PTPN18: variants seen among roughly 807,000 people sequenced by gnomAD.
PTPN18 encodes the protein tyrosine-protein phosphatase non-receptor type 18.
A neutral mutation model predicts 65.4 loss-of-function variants in PTPN18; 65 were observed. That is an observed-to-expected ratio of 0.99 (90% CI 0.81 to 1.22). The LOEUF is 1.22. Among genes scored for constraint, PTPN18 ranks in the 50% most tolerant of loss-of-function variants. PTPN18 has a pLI of 0.00. For missense variants in PTPN18, 616 were observed against 646.5 expected, an observed-to-expected ratio of 0.95 and a Z score of 0.51; for synonymous variants, 255 against 267.8, an observed-to-expected ratio of 0.95 and a Z score of 0.47.
rs1043425360 is a variant in PTPN18, at chr2:130,356,136, G to A, written c.29G>A (p.Ser10Asn). The change falls in exon 1 of 15, where the codon AGC becomes AAC. Residue 10 changes from serine (S) to asparagine (N), a missense_variant. Transcript: ENST00000175756. MSRSLDSAR[S>N]FLERLEARGG... ...AGCCGCAGCCTGGACTCGGCGCGGAGCTTCCTGGAGCGGCTGGAAGCGCGG... is the reference window on the plus strand; with the variant it reads ...AGCCGCAGCCTGGACTCGGCGCGGAACTTCCTGGAGCGGCTGGAAGCGCGG... The A allele has an allele frequency of 2.3e-6, 3 of 1,310,658 alleles. No homozygotes were observed. The highest frequency in any genetic ancestry group is 2.2e-5 in the South Asian group (1 of 46,226). 81.2% of individuals were successfully genotyped at this position (1,310,658 alleles called of 1,614,324 possible).
At chr2:130,370,661 C>A in intron 9 of PTPN18, 38 bp downstream of exon 9, 2 of 1,614,138 alleles carry the variant, frequency 1.2e-6, no homozygotes, top group South Asian at 2.2e-5. Context: ...GTGTGCTGCC[C>A]ATGACCACGT....
intron 5 of PTPN18, among the ~76,000 whole-genome samples, chr2:130,363,939 T>G (rs1680306684): frequency 6.6e-6 from 1 of 151,754 alleles, no homozygotes; most frequent in Non-Finnish European, 1.5e-5. Flanking sequence ...TGATGCTTGT[T>G]ACTGTCTTTT....
chr2:130,365,555 T>C (rs897312198), intron 5 of PTPN18, among the ~76,000 whole-genome samples: 3 of 152,244 alleles, frequency 2.0e-5, no homozygotes, highest in African/African-American at 7.2e-5. Flanking sequence ...TTCTTGATGG[T>C]GTGTTTTGAA....
chr2:130,374,748 T>G lies in PTPN18; in HGVS notation c.*1524T>G, dbSNP rs1680690989. 2 of 466,902 alleles carry G rather than the reference T, an allele frequency of 4.3e-6. No individual in the cohort carries two copies. The highest frequency in any genetic ancestry group is 8.8e-6 in the Non-Finnish European group (2 of 226,170). 28.9% of individuals were successfully genotyped at this position (466,902 alleles called of 1,614,324 possible). On this transcript the variant is annotated 3_prime_UTR_variant, in exon 15 of 15. Coordinates refer to ENST00000175756, the MANE Select transcript of PTPN18 (RefSeq NM_014369.4). ...GTGCCCTGGGCCCCATGTCCACCCCTGTCCTGCCCTTCTCTGGGATAGGGC... is the reference window on the plus strand; with the variant it reads ...GTGCCCTGGGCCCCATGTCCACCCCGGTCCTGCCCTTCTCTGGGATAGGGC...
intron 12 of PTPN18, 138 bp from the exon 13 acceptor site, chr2:130,372,119 A>G (rs1449296935): frequency 1.3e-6 from 1 of 784,838 alleles, no homozygotes; most frequent in Non-Finnish European, 2.0e-6. Context: ...GAGGCCTCCA[A>G]CCCAAGGAGC....
intron 5 of PTPN18, among the ~76,000 whole-genome samples, chr2:130,360,219 G>A (rs1448924138): frequency 1.3e-5 from 2 of 152,104 alleles, no homozygotes; most frequent in Non-Finnish European, 2.9e-5. Context: ...TAACACACTG[G>A]ATAATCTACA....
At position 130,356,061 on chromosome 2, in the gene PTPN18, C is replaced by G; in HGVS notation, c.-47C>G. The stretch of plus-strand genomic sequence containing the variant: ...CTCCGCCTCCCGCGGCGTCCACACT[C>G]GCCGCGCGCGCGGCGGCCGGGCTGG... On this transcript the variant is annotated 5_prime_UTR_variant, in exon 1 of 15. Transcript: ENST00000175756. 8.6e-7 allele frequency: 1 copy of G among 1,168,022 alleles called. No individual in the cohort carries two copies. The highest frequency in any genetic ancestry group is 3.7e-5 in the South Asian group (1 of 26,852). 72.4% of individuals were successfully genotyped at this position (1,168,022 alleles called of 1,614,324 possible).
chr2:130,372,514 T>C, intron 13 of PTPN18, 31 bp downstream of exon 13: 1 of 1,391,248 alleles, frequency 7.2e-7, no homozygotes, highest in Non-Finnish European at 9.3e-7. Flanking sequence ...TCTCAGGGCA[T>C]CATCCTGCTG....
At chr2:130,358,263 T>G (rs1339405140) in intron 1 of PTPN18, among the ~76,000 whole-genome samples, 1 of 152,222 alleles carries the variant, frequency 6.6e-6, no homozygotes, top group African/African-American at 2.4e-5. Context: ...TGGGTGTTAC[T>G]TATTATCATT....
rs757437344 is a variant in PTPN18, at chr2:130,374,631, C to G, written c.*1407C>G. 2 of 471,284 alleles carry G rather than the reference C, an allele frequency of 4.2e-6. No homozygotes were observed. Among genetic ancestry groups the G allele is most frequent in the Non-Finnish European group, 8.8e-6 (2 of 227,124 alleles). 29.2% of individuals were successfully genotyped at this position (471,284 alleles called of 1,614,324 possible). On this transcript the variant is annotated 3_prime_UTR_variant, in exon 15 of 15. Transcript: ENST00000175756. Reference sequence around the variant, plus strand: ...GGAAAAAGTATAAGATGCTCTTTCCCTGAACCTCAAGGGTCCCGCCCCTCT... The same window carrying G: ...GGAAAAAGTATAAGATGCTCTTTCCGTGAACCTCAAGGGTCCCGCCCCTCT...
Position 130,372,559 on chromosome 2 carries a change from G to T in PTPN18, c.1240+76G>T. On this transcript the variant is annotated intron_variant, in intron 13 of 14. Transcript: ENST00000175756. ...GGGCGGAACCATCCTGCAGTGGTCC[G>T]TCAGGCCCTGGCGGCCGCGGGGACC... 1.7e-5 allele frequency: 24 copies of T among 1,397,158 alleles called. No homozygotes were observed. The South Asian group carries it at 3.8e-4, about 22-fold the overall frequency. 86.5% of individuals were successfully genotyped at this position (1,397,158 alleles called of 1,614,324 possible).
At chr2:130,361,557 T>TCTTTCTTTCTTTCTTCCTTTCTTTC (rs1553458555) in intron 5 of PTPN18, among the ~76,000 whole-genome samples, 1 of 78,508 alleles carries the variant, frequency 1.3e-5, no homozygotes, top group African/African-American at 4.3e-5. Context: ...TTTCTTTCTT[T>TCTTTCTTTCTTTCTTCCTTTCTTTC]CTTTCTTTCC....
intron 1 of PTPN18, among the ~76,000 whole-genome samples, chr2:130,357,632 G>A (rs2104922390): frequency 6.6e-6 from 1 of 152,118 alleles, no homozygotes; most frequent in African/African-American, 2.4e-5. Context: ...CGAGGCGGGC[G>A]GATCACGAGG....
intron 5 of PTPN18, among the ~76,000 whole-genome samples, chr2:130,367,883 T>C (rs1680436836): frequency 6.6e-6 from 1 of 152,132 alleles, no homozygotes; most frequent in Admixed American, 6.5e-5. Flanking sequence ...CCTTTCCTTC[T>C]GGACTCCACG....
chr2:130,367,893 G>A (rs1311000306), intron 5 of PTPN18, among the ~76,000 whole-genome samples: 2 of 151,768 alleles, frequency 1.3e-5, no homozygotes, highest in African/African-American at 2.4e-5. Context: ...TGGACTCCAC[G>A]TGCACATACA....
intron 1 of PTPN18, among the ~76,000 whole-genome samples, chr2:130,357,367 T>C (rs1193324343): frequency 6.6e-6 from 1 of 152,184 alleles, no homozygotes; most frequent in Non-Finnish European, 1.5e-5. Context: ...AAACATACCA[T>C]ACAAACGCAT....
rs1420955830 is a variant in PTPN18, at chr2:130,369,776, G to A, written c.495G>A (p.Lys165=). The change falls in exon 7 of 15, where the codon AAG becomes AAA. Residue 165 remains lysine, a synonymous_variant. Transcript: ENST00000175756. ...GLFCITLIKE[K]WLNEDIMLRT... Reference sequence around the variant, plus strand: ...CCCCCCTTACTCAGATAAAGGAGAAGTGGCTGAATGAGGACATCATGCTCA... The same window carrying A: ...CCCCCCTTACTCAGATAAAGGAGAAATGGCTGAATGAGGACATCATGCTCA... 1 of 1,599,766 alleles carries A rather than the reference G, an allele frequency of 6.3e-7. No individual in the cohort carries two copies. Among genetic ancestry groups the A allele is most frequent in the Non-Finnish European group, 8.6e-7 (1 of 1,167,418 alleles).
At chr2:130,362,209 G>A (rs1350759941) in intron 5 of PTPN18, 6 of 465,430 alleles carry the variant, frequency 1.3e-5, no homozygotes, top group Admixed American at 2.4e-5. Context: ...GCCTCAAGCT[G>A]TCCTTCCACC....
chr2:130,368,407 C>T (rs1332064774), intron 5 of PTPN18, among the ~76,000 whole-genome samples: 1 of 152,194 alleles, frequency 6.6e-6, no homozygotes, highest in African/African-American at 2.4e-5. Flanking sequence ...TTTAGCCGTA[C>T]TTCTAATGTG....
Sources: gnomAD v4.1 joint callset for allele counts (sites outside exome capture counted in the v4.1 genomes callset) on GRCh38, gnomAD v4.1.1 for gene constraint, MANE v1.5 for transcripts, NCBI Gene and HGNC (gene_info 2026-07-23, HGNC 2026-07-21) for gene names.